Variants in SAMM50 observed in about 807,000 individuals in gnomAD.
SAMM50 encodes sorting and assembly machinery component 50 homolog.
In SAMM50, 47 loss-of-function variants were observed where a neutral mutation model predicts 66.9. That is an observed-to-expected ratio of 0.70 (90% CI 0.56 to 0.90). The LOEUF (loss-of-function observed/expected upper bound fraction) is 0.90, where lower values mean the gene tolerates loss of function less well. Among genes scored for constraint, SAMM50 ranks in the 40% least tolerant of loss-of-function variants. The probability of loss-of-function intolerance (pLI) is 0.00; values close to 1 mark genes in which losing one functional copy is unlikely to be tolerated. For synonymous variants in SAMM50, 191 were observed against 214.1 expected (o/e 0.89, Z 0.94); for missense variants, 535 against 595.3 (o/e 0.90, Z 1.05).
chr22:43,994,906 G>A (rs1383234331), intron 14 of SAMM50, among the ~76,000 whole-genome samples: 1 of 152,182 alleles, frequency 6.6e-6, no homozygotes, highest in Non-Finnish European at 1.5e-5. Flanking sequence ...TTATTAGAAT[G>A]CTTGCTTGTT....
chr22:43,963,290 T>C lies in SAMM50; in HGVS notation c.26T>C (p.Leu9Ser), dbSNP rs1472538054. 1.1e-5 allele frequency: 18 copies of C among 1,603,800 alleles called. No individual in the cohort carries two copies. Among genetic ancestry groups the C allele is most frequent in the Non-Finnish European group, 1.4e-5 (16 of 1,173,618 alleles). MGTVHARS[L>S]EPLPSSGPDF... ...TGGTCGCTCCCTCCCTTTCAGAGTT[T>C]GGAGCCTCTTCCATCAAGTGGACCT... Residue 9 changes from leucine (L) to serine (S), a missense_variant, in exon 2 of 15, where the codon TTG becomes TCG. Leu to Ser is a moderately radical substitution (Grantham distance 145). Coordinates refer to ENST00000350028, the MANE Select transcript of SAMM50 (RefSeq NM_015380.5).
chr22:43,973,323 T>C lies in SAMM50; in HGVS notation c.648T>C (p.Ser216=), dbSNP rs149006642. 9 of 1,570,784 alleles carry C rather than the reference T, an allele frequency of 5.7e-6. No individual in the cohort carries two copies. The African/African-American group carries it at 1.2e-4, about 21-fold the overall frequency. ...ACAGAGGAATGTCAGCTGAGTACAG[T>C]GTGAGTAGCATTTCAGTCCTTCCCT... ...ETDRGMSAEY[S]FPIWKTSHTV... Residue 216 remains serine, a splice_region_variant and synonymous_variant, in exon 7 of 15, where the codon AGT becomes AGC. Transcript: ENST00000350028.
At chr22:43,970,477 C>T (rs2146812557) in intron 4 of SAMM50, among the ~76,000 whole-genome samples, 1 of 152,322 alleles carries the variant, frequency 6.6e-6, no homozygotes, top group Admixed American at 6.5e-5. Flanking sequence ...GCTTACCCCT[C>T]CCTTTAAGCA....
At chr22:43,960,669 C>T (rs935774819) in intron 1 of SAMM50, among the ~76,000 whole-genome samples, 1 of 152,094 alleles carries the variant, frequency 6.6e-6, no homozygotes, top group Non-Finnish European at 1.5e-5. Context: ...GTGGAGGTTG[C>T]AGTGAGCCGA....
Position 43,957,005 on chromosome 22 carries a change from AG to A in SAMM50, c.21+1408del, listed in dbSNP as rs2050123007. 1.6e-5 allele frequency: 12 copies of A among 731,166 alleles called. No individual in the cohort carries two copies. The East Asian group carries it at 3.2e-4, about 19-fold the overall frequency. The allele number at this position is 731,166 out of a possible 1,614,324, so 45.3% of individuals were successfully genotyped here. On this transcript the variant is annotated intron_variant, in intron 1 of 14. Coordinates refer to ENST00000350028, the MANE Select transcript of SAMM50 (RefSeq NM_015380.5). ...TTGGCTCCTGTGGCGGCCTGCCGGG[AG>A]CAGGACTTCTGAAAGGAAATATGTC...
chr22:43,981,565 G>A (rs113765619), intron 11 of SAMM50, 104 bp downstream of exon 11: 9 of 726,040 alleles, frequency 1.2e-5, no homozygotes, highest in African/African-American at 1.1e-4. Flanking sequence ...GGAGAGCATA[G>A]TATTTCAAAT....
chr22:43,955,535 C>A lies in SAMM50; in HGVS notation c.-43C>A. 1 of 1,586,514 alleles carries A rather than the reference C, an allele frequency of 6.3e-7. No homozygotes were observed. Among genetic ancestry groups the A allele is most frequent in the Non-Finnish European group, 8.6e-7 (1 of 1,167,088 alleles). On this transcript the variant is annotated 5_prime_UTR_variant, in exon 1 of 15. Coordinates refer to ENST00000350028, the MANE Select transcript of SAMM50 (RefSeq NM_015380.5). ...CTGCCCTCAGCAGCAGACGCTCTGTCCCGCCCGGGCAGCTCTGCGAGGCAG... is the reference window on the plus strand; with the variant it reads ...CTGCCCTCAGCAGCAGACGCTCTGTACCGCCCGGGCAGCTCTGCGAGGCAG...
At chr22:43,985,343 G>C (rs4823107) in intron 12 of SAMM50, among the ~76,000 whole-genome samples, 138,037 of 152,028 alleles carry the variant, frequency 0.91, 62,882 homozygotes, top group East Asian at 1. Flanking sequence ...CGCTAAAAAT[G>C]CTGGGCTCCC....
In SAMM50 at chr22:43,983,639, A is replaced by G. The variant is rs574496117; in HGVS notation, c.1008-294A>G. The stretch of plus-strand genomic sequence containing the variant: ...TCATGAATTCTCACAGACAGCTGAT[A>G]GTTCCTTTGTGACAGACAGTTTGCC... On this transcript the variant is annotated intron_variant, in intron 11 of 14. Transcript: ENST00000350028. The surrounding 1 kb of genome is among the most constrained non-coding windows in gnomAD (Gnocchi z 4.2). Among the ~76,000 whole-genome samples the G allele has an allele frequency of 5.5e-4, 84 of 152,290 alleles. No homozygotes were observed. Among genetic ancestry groups the G allele is most frequent in the African/African-American group, 2.0e-3 (82 of 41,552 alleles).
chr22:43,978,588 C>A (rs2050246562), intron 10 of SAMM50, among the ~76,000 whole-genome samples: 1 of 151,776 alleles, frequency 6.6e-6, no homozygotes, highest in East Asian at 1.9e-4. Context: ...CGTGGACCTT[C>A]TGAGTCTTCA....
At chr22:43,987,105 A>G (rs868836241) in intron 12 of SAMM50, 3 of 152,240 alleles carry the variant, frequency 2.0e-5, no homozygotes, top group Non-Finnish European at 4.4e-5. Context: ...GAAGTAAGGC[A>G]TGCTGGTGTT....
chr22:43,990,705 C>T (rs1374108024), intron 14 of SAMM50, among the ~76,000 whole-genome samples: 2 of 151,964 alleles, frequency 1.3e-5, no homozygotes, highest in African/African-American at 4.8e-5. Flanking sequence ...GATTTGGTTC[C>T]TGTGTGCTGA....
chr22:43,975,075 A>C (rs73434655), intron 7 of SAMM50: 1 of 152,150 alleles, frequency 6.6e-6, no homozygotes, highest in African/African-American at 2.4e-5. Context: ...CTTCTAAGGA[A>C]TGAAGAAATG....
chr22:43,965,978 G>A (rs1569025874), intron 3 of SAMM50, among the ~76,000 whole-genome samples: 1 of 151,940 alleles, frequency 6.6e-6, no homozygotes. Flanking sequence ...AGCCAGGACT[G>A]CAGGCACACA....
intron 3 of SAMM50, among the ~76,000 whole-genome samples, chr22:43,966,780 A>G (rs148682583): frequency 8.7e-5 from 13 of 149,328 alleles, no homozygotes; most frequent in African/African-American, 3.0e-4. Context: ...TTTAAATTGT[A>G]TTTATTTAAT....
chr22:43,964,446 T>A lies in SAMM50; in HGVS notation c.133-6T>A. On this transcript the variant is annotated splice_polypyrimidine_tract_variant and splice_region_variant and intron_variant, in intron 2 of 14. Coordinates refer to ENST00000350028, the MANE Select transcript of SAMM50 (RefSeq NM_015380.5). ...ATCCCTAATACTGTCCCTGTGTGACTTTTAGGTGGTTGTTCAACATGTTCA... is the reference window on the plus strand; with the variant it reads ...ATCCCTAATACTGTCCCTGTGTGACATTTAGGTGGTTGTTCAACATGTTCA... 1 of 1,558,058 alleles carries A rather than the reference T, an allele frequency of 6.4e-7. No individual in the cohort carries two copies.
At position 43,981,473 on chromosome 22, in the gene SAMM50, T is replaced by C. The variant is rs373812936; in HGVS notation, c.1007+12T>C. The C allele has an allele frequency of 4.5e-6, 7 of 1,559,448 alleles. No individual in the cohort carries two copies. Among genetic ancestry groups the C allele is most frequent in the Non-Finnish European group, 5.3e-6 (6 of 1,130,444 alleles). On this transcript the variant is annotated intron_variant, in intron 11 of 14. Coordinates refer to ENST00000350028, the MANE Select transcript of SAMM50 (RefSeq NM_015380.5). ...AGCATTGCTGATAGGTAAGTACTAA[T>C]CAATGAATGGATAATTTGCACATAT...
chr22:43,980,144 C>A, intron 10 of SAMM50, among the ~76,000 whole-genome samples: 1 of 16,984 alleles, frequency 5.9e-5, no homozygotes. Context: ...ACACATCCAT[C>A]CATCCATCCA....
chr22:43,960,283 A>G (rs929572708), intron 1 of SAMM50, among the ~76,000 whole-genome samples: 2 of 152,210 alleles, frequency 1.3e-5, no homozygotes. Context: ...TTCCTTACCC[A>G]CAAGGACCCG....
Sources: gnomAD v4.1 joint callset for allele counts (sites outside exome capture counted in the v4.1 genomes callset) on GRCh38, gnomAD v4.1.1 for gene constraint, Gnocchi (gnomAD v3.1) non-coding constraint, MANE v1.5 for transcripts, NCBI Gene and HGNC (gene_info 2026-07-23, HGNC 2026-07-21) for gene names.